The following RBFOX1 variants were observed in gnomAD, a reference collection of about 807,000 sequenced individuals.
The protein encoded by RBFOX1 is RNA binding fox-1 homolog 1.
RBFOX1 carries 8 observed loss-of-function variants against 57.7 expected under a neutral mutation model. That is an observed-to-expected ratio of 0.14 (90% CI 0.08 to 0.25). The LOEUF is 0.25. Ranked by LOEUF, RBFOX1 falls within the 10% of genes least tolerant of loss-of-function variation. The pLI, the probability that RBFOX1 is intolerant of heterozygous loss-of-function variation, is 1.00. For missense variants in RBFOX1, 611 were observed against 548.5 expected, an observed-to-expected ratio of 1.11 and a Z score of -1.14; for synonymous variants, 326 against 222.4, an observed-to-expected ratio of 1.47 and a Z score of -4.15.
chr16:7,112,594 T>C (rs1391075649), intron 4 of RBFOX1, among the ~76,000 whole-genome samples: 1 of 152,034 alleles, frequency 6.6e-6, no homozygotes, highest in Non-Finnish European at 1.5e-5. Flanking sequence ...CCACACTGTT[T>C]ATGGAAAATA....
At chr16:6,316,227 T>C (rs1248482210) in intron 1 of RBFOX1, among the ~76,000 whole-genome samples, 1 of 152,134 alleles carries the variant, frequency 6.6e-6, no homozygotes, top group Non-Finnish European at 1.5e-5. Context: ...CTACCAGAAC[T>C]CTTGATTTTT....
chr16:6,163,590 G>T (rs532422560), intron 1 of RBFOX1, among the ~76,000 whole-genome samples: 101 of 152,270 alleles, frequency 6.6e-4, no homozygotes, highest in African/African-American at 2.4e-3. Flanking sequence ...AATGTTGGGT[G>T]TTCTGTAAGC....
chr16:5,868,715 C>T (rs1444363538), intron 4 of RBFOX1, among the ~76,000 whole-genome samples: 2 of 152,158 alleles, frequency 1.3e-5, no homozygotes, highest in Admixed American at 1.3e-4. Context: ...ATGAGCAGCC[C>T]CCACTGTCAC....
intron 3 of RBFOX1, among the ~76,000 whole-genome samples, chr16:5,790,461 A>G (rs1340001895): frequency 6.6e-6 from 1 of 151,908 alleles, no homozygotes; most frequent in Non-Finnish European, 1.5e-5. Context: ...AGGAAGAAAA[A>G]ATTGCTGCAA....
chr16:5,865,207 A>T (rs2057318326), intron 3 of RBFOX1, among the ~76,000 whole-genome samples: 1 of 152,170 alleles, frequency 6.6e-6, no homozygotes, highest in Non-Finnish European at 1.5e-5. Flanking sequence ...TATTTCCCTG[A>T]CATATTCCTG....
chr16:6,913,881 C>T (rs2072390581), intron 3 of RBFOX1, among the ~76,000 whole-genome samples: 1 of 152,166 alleles, frequency 6.6e-6, no homozygotes, highest in African/African-American at 2.4e-5. Flanking sequence ...TAGCAAGGTG[C>T]CAGTCTCAAC....
chr16:6,962,135 T>G (rs9930092), intron 3 of RBFOX1, among the ~76,000 whole-genome samples: 5 of 151,916 alleles, frequency 3.3e-5, no homozygotes, highest in African/African-American at 1.2e-4. Context: ...TCCTCTGAAG[T>G]CTTGATAGGA....
intron 4 of RBFOX1, among the ~76,000 whole-genome samples, chr16:7,422,349 T>C (rs1033964540): frequency 2.0e-5 from 3 of 152,144 alleles, no homozygotes; most frequent in African/African-American, 4.8e-5. Context: ...TATTCATTGT[T>C]AGAGTACTGG....
chr16:5,523,705 G>A (rs111601531), intron 2 of RBFOX1, among the ~76,000 whole-genome samples: 6,696 of 152,302 alleles, frequency 0.044, 504 homozygotes, highest in African/African-American at 0.15. Context: ...CCCAGTAGTG[G>A]AGTTGCTGGA....
At chr16:5,301,637 A>AAAAAC (rs1222721960) in intron 1 of RBFOX1, among the ~76,000 whole-genome samples, 1 of 150,628 alleles carries the variant, frequency 6.6e-6, no homozygotes, top group East Asian at 1.9e-4. Context: ...AAAAAAAAAA[A>AAAAAC]ACACACAAAA....
At chr16:6,005,866 TAGA>T (rs1278734166) in intron 4 of RBFOX1, among the ~76,000 whole-genome samples, 1 of 152,110 alleles carries the variant, frequency 6.6e-6, no homozygotes, top group Admixed American at 6.5e-5. Context: ...GGTGATGAAG[TAGA>T]AGTTTAGCAT....
At chr16:5,507,128 G>A (rs1463577881) in intron 2 of RBFOX1, among the ~76,000 whole-genome samples, 1 of 152,120 alleles carries the variant, frequency 6.6e-6, no homozygotes, top group African/African-American at 2.4e-5. Context: ...AGGTTGATAA[G>A]TAGCTACTTG....
intron 3 of RBFOX1, among the ~76,000 whole-genome samples, chr16:5,698,634 A>G (rs931718112): frequency 1.3e-5 from 2 of 152,342 alleles, no homozygotes; most frequent in East Asian, 1.9e-4. Context: ...TGTTCAAACA[A>G]AAACTTACAG....
intron 4 of RBFOX1, among the ~76,000 whole-genome samples, chr16:7,267,294 G>A (rs1421235394): frequency 6.6e-6 from 1 of 151,994 alleles, no homozygotes; most frequent in African/African-American, 2.4e-5. Flanking sequence ...GAGCACTTTC[G>A]GAGGCCAAAG....
intron 4 of RBFOX1, among the ~76,000 whole-genome samples, chr16:7,486,981 C>T (rs1457986135): frequency 2.0e-5 from 3 of 152,128 alleles, no homozygotes; most frequent in African/African-American, 7.2e-5. Context: ...CTCACTGCAA[C>T]CTCTGCCTCC....
intron 4 of RBFOX1, among the ~76,000 whole-genome samples, chr16:7,271,194 G>T (rs527620576): frequency 6.6e-6 from 1 of 152,120 alleles, no homozygotes; most frequent in Non-Finnish European, 1.5e-5. Context: ...ATGGAGACGG[G>T]ATGCACTTGA....
At chr16:6,837,841 C>A (rs1432818323) in intron 3 of RBFOX1, among the ~76,000 whole-genome samples, 2 of 152,044 alleles carry the variant, frequency 1.3e-5, no homozygotes, top group Non-Finnish European at 2.9e-5. Context: ...CACTTCAGAC[C>A]ACATTGAAGA....
rs35841072 is a variant in RBFOX1 at position 5,856,151 on chromosome 16, TTCTCTCTCTC to T, written c.319-11124_319-11115del. ...AATTTTTTTCCAGGAGTCTTTATGG[TTCTCTCTCTC>T]TCTCTCTCTCTCTCTCTCTCTCTCT... is the stretch of plus-strand genomic sequence containing the variant. On this transcript the variant is annotated intron_variant, in intron 3 of 19. Transcript: ENST00000641259. 9.5e-3 allele frequency among the ~76,000 whole-genome samples: 383 copies of T among 40,412 alleles called. 10 individuals are homozygous for T. The highest frequency in any genetic ancestry group is 0.04 in the African/African-American group (334 of 8,408). The allele number at this position is 40,412 out of a possible 152,430, so 26.5% of individuals were successfully genotyped here.
At position 7,579,799 on chromosome 16, in the gene RBFOX1, C is replaced by G; in HGVS notation, c.293C>G (p.Thr98Arg). The change falls in exon 6 of 16, where the codon ACG becomes AGG. Residue 98 changes from threonine (T) to arginine (R), a missense_variant. Physicochemically the swap from Thr to Arg is moderately conservative, Grantham distance 71. Around this residue, in one of 3 missense-constraint regions of RBFOX1, gnomAD observed 245 missense variants for 159.1 expected, o/e 1.54. Transcript: ENST00000550418. ...TAGCAGACAGATGACGCAGCACCGACGGATGGCCAGCCCCAGACACAACCT... is the reference window on the plus strand; with the variant it reads ...TAGCAGACAGATGACGCAGCACCGAGGGATGGCCAGCCCCAGACACAACCT... ...TATQTDDAAP[T>R]DGQPQTQPSE... is the part of the protein sequence containing the mutation. 6.2e-7 allele frequency: 1 copy of G among 1,614,100 alleles called. No individual in the cohort carries two copies. The highest frequency in any genetic ancestry group is 8.5e-7 in the Non-Finnish European group (1 of 1,179,974).
Sources: allele counts gnomAD v4.1 joint callset (sites outside exome capture counted in the v4.1 genomes callset), GRCh38; gene constraint gnomAD v4.1.1; regional missense constraint gnomAD v4.1.1; transcripts MANE v1.5; gene names NCBI Gene and HGNC (gene_info 2026-07-23, HGNC 2026-07-21).